CSMD2: variants seen among roughly 807,000 people sequenced by gnomAD.
CSMD2 encodes CUB and sushi domain-containing protein 2.
Under a neutral mutation model 398.5 loss-of-function variants are expected in CSMD2, and 130 were observed. That is an observed-to-expected ratio of 0.33 (90% CI 0.28 to 0.38). CSMD2 has a LOEUF of 0.38. Ranked by LOEUF, CSMD2 falls within the 10% of genes least tolerant of loss-of-function variation. The pLI is 1.00. For missense variants in CSMD2, 3,829 were observed against 4,764.9 expected (o/e 0.80, Z 5.78); for synonymous variants, 1,828 against 1,908.5 (o/e 0.96, Z 1.10).
intron 1 of CSMD2, among the ~76,000 whole-genome samples, chr1:34,098,657 A>G (rs181114772): frequency 0.01 from 1,567 of 149,776 alleles, 12 homozygotes; most frequent in Admixed American, 0.016. Context: ...GTATCAGGCA[A>G]TATTAAAAAA....
chr1:34,121,993 G>GT lies in CSMD2; in HGVS notation c.188-32801_188-32800insA, dbSNP rs1465182326. 7.8e-5 allele frequency among the ~76,000 whole-genome samples: 10 copies of GT among 128,044 alleles called. No homozygotes were observed. The South Asian group carries it at 8.1e-4, about 10-fold the overall frequency. The allele number at this position is 128,044 out of a possible 152,430, so 84.0% of individuals were successfully genotyped here. A position where few individuals can be genotyped will look rare whatever the true frequency, so the allele number is the denominator to read the frequency against. On this transcript the variant is annotated intron_variant, in intron 1 of 70. Coordinates refer to ENST00000373381, the MANE Select transcript of CSMD2 (RefSeq NM_001281956.2). ...TCAGGCAGCTGGAAGGAATTTTTCT[G>GT]GTTTTTTTTTTTTTTTCTACCTCCT... is the stretch of plus-strand genomic sequence containing the variant.
At chr1:33,733,266 A>T (rs1646779485) in intron 15 of CSMD2, among the ~76,000 whole-genome samples, 1 of 152,038 alleles carries the variant, frequency 6.6e-6, no homozygotes, top group South Asian at 2.1e-4. Flanking sequence ...CTGCCTCCCC[A>T]CTACCCACCT....
At chr1:33,601,047 T>C in intron 43 of CSMD2, 37 bp from the exon 44 acceptor site, 1 of 1,612,404 alleles carries the variant, frequency 6.2e-7, no homozygotes. Context: ...ATGTCACTAG[T>C]CACCATGGCT....
intron 5 of CSMD2, among the ~76,000 whole-genome samples, chr1:33,859,354 G>T (rs922823474): frequency 6.6e-6 from 1 of 152,106 alleles, no homozygotes; most frequent in African/African-American, 2.4e-5. Context: ...TTCAATATCA[G>T]CAGTGTAGCA....
In CSMD2 at chr1:33,636,191, G is replaced by C. The variant is rs377379112; in HGVS notation, c.4969+169C>G. The stretch of plus-strand genomic sequence containing the variant: ...TACCTTGAAAGGAACTGCACACCTA[G>C]TGAATTATAAGCCACTTCTATACAC... On this transcript the variant is annotated intron_variant, in intron 30 of 70. Coordinates refer to ENST00000373381, the MANE Select transcript of CSMD2 (RefSeq NM_001281956.2). The surrounding 1 kb of genome is among the most constrained non-coding windows in gnomAD (Gnocchi z 4.8). Among the ~76,000 whole-genome samples the C allele has an allele frequency of 1.8e-4, 28 of 152,260 alleles. No individual in the cohort carries two copies. The highest frequency in any genetic ancestry group is 6.5e-4 in the African/African-American group (27 of 41,558).
intron 3 of CSMD2, among the ~76,000 whole-genome samples, chr1:34,018,551 T>C (rs1210768631): frequency 6.6e-6 from 1 of 152,228 alleles, no homozygotes; most frequent in Non-Finnish European, 1.5e-5. Flanking sequence ...ACTCCAGCAC[T>C]GCATCATACC....
At chr1:33,833,628 C>T (rs1327843694) in intron 6 of CSMD2, among the ~76,000 whole-genome samples, 3 of 149,580 alleles carry the variant, frequency 2.0e-5, no homozygotes, top group Non-Finnish European at 4.4e-5. Flanking sequence ...TCCTATTCAA[C>T]ATACTGTTGG....
At chr1:33,719,288 C>T (rs916664328) in intron 19 of CSMD2, among the ~76,000 whole-genome samples, 13 of 152,160 alleles carry the variant, frequency 8.5e-5, no homozygotes, top group African/African-American at 1.7e-4. Flanking sequence ...GGGTGGAGAG[C>T]GGGTGAGACC....
chr1:33,743,861 C>T (rs1430285190), intron 13 of CSMD2, among the ~76,000 whole-genome samples: 2 of 152,174 alleles, frequency 1.3e-5, no homozygotes, highest in East Asian at 1.9e-4. Flanking sequence ...TGGCCCCTCT[C>T]CCCTGGTCAG....
chr1:34,110,658 G>A (rs1386342014), intron 1 of CSMD2, among the ~76,000 whole-genome samples: 2 of 152,108 alleles, frequency 1.3e-5, no homozygotes, highest in African/African-American at 2.4e-5. Flanking sequence ...ACTTATAAGT[G>A]GGAGCTAAGT....
At chr1:33,607,836 C>T (rs1229093118) in intron 41 of CSMD2, among the ~76,000 whole-genome samples, 1 of 152,156 alleles carries the variant, frequency 6.6e-6, no homozygotes, top group Non-Finnish European at 1.5e-5. Flanking sequence ...GAGGAGGGGG[C>T]CCATTATAGG....
At chr1:33,719,766 CAAT>C (rs1265979283) in intron 19 of CSMD2, among the ~76,000 whole-genome samples, 1 of 152,154 alleles carries the variant, frequency 6.6e-6, no homozygotes, top group Admixed American at 6.5e-5. Context: ...AATATGTAGG[CAAT>C]AATATCTCTC....
intron 32 of CSMD2, among the ~76,000 whole-genome samples, chr1:33,630,054 C>T (rs1478555001): frequency 6.6e-6 from 1 of 151,728 alleles, no homozygotes; most frequent in East Asian, 1.9e-4. Context: ...TCTCATCTTC[C>T]TCCCCCATCT....
At chr1:33,739,547 C>T (rs1646991523) in intron 14 of CSMD2, among the ~76,000 whole-genome samples, 1 of 152,226 alleles carries the variant, frequency 6.6e-6, no homozygotes. Context: ...CACCTAATCC[C>T]ACTGCATTCT....
At chr1:34,020,668 T>C (rs554498070) in intron 3 of CSMD2, among the ~76,000 whole-genome samples, 1 of 152,280 alleles carries the variant, frequency 6.6e-6, no homozygotes, top group Non-Finnish European at 1.5e-5. Flanking sequence ...TTTTAAATTG[T>C]GCATGACCTT....
intron 6 of CSMD2, among the ~76,000 whole-genome samples, chr1:33,835,692 A>G (rs1660153313): frequency 9.1e-6 from 1 of 109,340 alleles, no homozygotes; most frequent in Non-Finnish European, 1.7e-5. Flanking sequence ...ACAAAACAAA[A>G]AAAACAAACA....
intron 7 of CSMD2, among the ~76,000 whole-genome samples, chr1:33,822,365 T>C (rs964882620): frequency 1.3e-5 from 2 of 152,152 alleles, no homozygotes; most frequent in Non-Finnish European, 2.9e-5. Context: ...GAGCTCGTTT[T>C]AGACTCACTG....
Position 33,739,240 on chromosome 1 carries a change from G to A in CSMD2, c.2268C>T (p.Leu756=), listed in dbSNP as rs374456788. 1 of 1,614,124 alleles carries A rather than the reference G, an allele frequency of 6.2e-7. No individual in the cohort carries two copies. The highest frequency in any genetic ancestry group is 1.3e-5 in the African/African-American group (1 of 74,950). ...SLQLGSSISF[L]CDEGFLGTQG... ...GAGTCCCAAGGAAGCCTTCATCACA[G>A]AGGAAGGAGATGGAGCTGCCCAGCT... The change falls in exon 15 of 71, where the codon CTC becomes CTT. Residue 756 remains leucine (L), a synonymous_variant. Coordinates refer to ENST00000373381, the MANE Select transcript of CSMD2 (RefSeq NM_001281956.2).
At chr1:33,926,168 A>C (rs991503048) in intron 4 of CSMD2, among the ~76,000 whole-genome samples, 2 of 152,208 alleles carry the variant, frequency 1.3e-5, no homozygotes, top group Non-Finnish European at 2.9e-5. Context: ...CACCTAGCAG[A>C]TTTCCTGGCA....
Sources: gnomAD v4.1 joint callset for allele counts (sites outside exome capture counted in the v4.1 genomes callset) on GRCh38, gnomAD v4.1.1 for gene constraint, Gnocchi (gnomAD v3.1) non-coding constraint, MANE v1.5 for transcripts, NCBI Gene and HGNC (gene_info 2026-07-23, HGNC 2026-07-21) for gene names.